HIBCH: variants seen among roughly 807,000 people sequenced by gnomAD.
The protein encoded by HIBCH is 3-hydroxyisobutyryl-CoA hydrolase, mitochondrial.
In HIBCH, 50 loss-of-function variants were observed where a neutral mutation model predicts 58.2. That is an observed-to-expected ratio of 0.86 (90% CI 0.68 to 1.09). The LOEUF (loss-of-function observed/expected upper bound fraction) is 1.09, where lower values mean the gene tolerates loss of function less well. Among genes scored for constraint, HIBCH ranks in the 50% least tolerant of loss-of-function variants. HIBCH has a pLI of 0.00. For missense variants in HIBCH, 450 were observed against 449.7 expected (o/e 1.00, Z -0.01); for synonymous variants, 151 against 146.9 (o/e 1.03, Z -0.20).
At chr2:190,298,758 A>G (rs1688181659) in intron 2 of HIBCH, among the ~76,000 whole-genome samples, 1 of 151,988 alleles carries the variant, frequency 6.6e-6, no homozygotes, top group African/African-American at 2.4e-5. Context: ...ATTAGATCCC[A>G]TTTGTCAATT....
intron 5 of HIBCH, among the ~76,000 whole-genome samples, chr2:190,288,736 A>C (rs1443119969): frequency 6.6e-6 from 1 of 152,182 alleles, no homozygotes; most frequent in Non-Finnish European, 1.5e-5. Flanking sequence ...AAGGAATTGG[A>C]AAGCTTAAAA....
In HIBCH at chr2:190,294,564, C is replaced by T. The variant is rs1163015171; in HGVS notation, c.286G>A (p.Ala96Thr). Residue 96 changes from alanine to threonine, a missense_variant, in exon 4 of 14, where the codon GCC (alanine) becomes ACC (threonine). Coordinates refer to ENST00000359678, the MANE Select transcript of HIBCH (RefSeq NM_014362.4). Reference protein sequence around the residue: ...IKGAGGKAFCAGGDIRVISEA... With the variant: ...IKGAGGKAFCTGGDIRVISEA... The stretch of plus-strand genomic sequence containing the variant: ...TCTTTACCTCTGATATCACCCCCGG[C>T]ACAGAAAGCCTTTCCTCCTGCTCCC... 6.2e-7 allele frequency: 1 copy of T among 1,612,436 alleles called. No homozygotes were observed. Among genetic ancestry groups the T allele is most frequent in the Non-Finnish European group, 8.5e-7 (1 of 1,179,302 alleles).
At position 190,204,940 on chromosome 2, in the gene HIBCH, T is replaced by G; in HGVS notation, c.*177A>C. ...TTCCAATAAAGCTTTATTTGTGAAT[T>G]CTGATAATTTTCACGTCATGAATTA... On this transcript the variant is annotated 3_prime_UTR_variant, in exon 14 of 14. Coordinates refer to ENST00000359678, the MANE Select transcript of HIBCH (RefSeq NM_014362.4). 1.6e-6 allele frequency: 1 copy of G among 614,690 alleles called. No individual in the cohort carries two copies. The highest frequency in any genetic ancestry group is 2.9e-6 in the Non-Finnish European group (1 of 343,540). The allele number at this position is 614,690 out of a possible 1,614,324, so 38.1% of individuals were successfully genotyped here.
chr2:190,244,855 T>C (rs769400158), intron 11 of HIBCH, 32 bp downstream of exon 11: 1 of 1,408,198 alleles, frequency 7.1e-7, no homozygotes, highest in South Asian at 1.1e-5. Flanking sequence ...CTTCACTATG[T>C]TCACTCAGGG....
At chr2:190,290,662 C>T (rs1687936537) in intron 4 of HIBCH, among the ~76,000 whole-genome samples, 177 bp from the exon 5 acceptor site, 2 of 152,142 alleles carry the variant, frequency 1.3e-5, no homozygotes, top group Non-Finnish European at 2.9e-5. Context: ...GATCCATAGT[C>T]CAATGTCAAA....
chr2:190,270,215 G>A (rs1687352886), intron 6 of HIBCH, among the ~76,000 whole-genome samples: 1 of 148,302 alleles, frequency 6.7e-6, no homozygotes, highest in Non-Finnish European at 1.5e-5. Context: ...AGAGTTTAAA[G>A]TAAAATAAAA....
intron 2 of HIBCH, among the ~76,000 whole-genome samples, chr2:190,303,943 C>G (rs1027792886): frequency 1.3e-5 from 2 of 152,056 alleles, no homozygotes; most frequent in African/African-American, 4.8e-5. Context: ...AACCTTAACT[C>G]TAGCCTAATT....
chr2:190,196,015 G>GTGGTT (rs1028505492), intron 1 of HIBCH, among the ~76,000 whole-genome samples: 1 of 134,846 alleles, frequency 7.4e-6, no homozygotes, highest in African/African-American at 2.7e-5. Context: ...CTATGTATGT[G>GTGGTT]TGGTTTGGAT....
intron 6 of HIBCH, among the ~76,000 whole-genome samples, chr2:190,286,889 T>G (rs34752171): frequency 0.088 from 13,422 of 151,808 alleles, 896 homozygotes; most frequent in Non-Finnish European, 0.14. Flanking sequence ...AACATTCTAG[T>G]TTCTCTTCTG....
rs141379371 is a variant in HIBCH, at chr2:190,194,034, G to A, written c.*18-4037C>T. On this transcript the variant is annotated intron_variant, in intron 1 of 1. Transcript: ENST00000399855. ...AATTTCTCCTGTGATTTTCTTCTTT[G>A]TCCCATGGGTTATTTAGAAATATGT... is the stretch of plus-strand genomic sequence containing the variant. 9.2e-4 allele frequency among the ~76,000 whole-genome samples: 139 copies of A among 151,710 alleles called. No individual in the cohort carries two copies. The East Asian group carries it at 0.02, about 22-fold the overall frequency.
chr2:190,239,004 A>G (rs1286270293), intron 11 of HIBCH, among the ~76,000 whole-genome samples: 1 of 151,950 alleles, frequency 6.6e-6, no homozygotes, highest in Non-Finnish European at 1.5e-5. Context: ...CTTTTGTTGC[A>G]ATTGCTTTTG....
intron 11 of HIBCH, among the ~76,000 whole-genome samples, chr2:190,226,868 C>T (rs141005612): frequency 9.9e-5 from 15 of 152,094 alleles, no homozygotes; most frequent in Non-Finnish European, 2.1e-4. Context: ...ATCCAACTTA[C>T]AAGGGATGTG....
intron 7 of HIBCH, among the ~76,000 whole-genome samples, chr2:190,252,914 C>T (rs291403): frequency 0.3 from 45,734 of 152,008 alleles, 7,759 homozygotes; most frequent in East Asian, 0.46. Context: ...TAAGGCTAGG[C>T]GCGGTGGCTC....
intron 1 of HIBCH, among the ~76,000 whole-genome samples, chr2:190,318,268 C>T (rs1688755578): frequency 6.6e-6 from 1 of 151,488 alleles, no homozygotes; most frequent in Non-Finnish European, 1.5e-5. Flanking sequence ...AAAAAAAAGT[C>T]CAAGAGCTAA....
rs1235610449 is a variant in HIBCH, at chr2:190,206,836, G to A, written c.1046-1604C>T. Among the ~76,000 whole-genome samples the A allele has an allele frequency of 2.0e-5, 3 of 152,162 alleles. No homozygotes were observed. Among genetic ancestry groups the A allele is most frequent in the Non-Finnish European group, 4.4e-5 (3 of 68,024 alleles). ...CAATATACTTTCTCTTCATTAAAAA[G>A]TAGCATAGGCCAGGCGCGGTGGCTC... On this transcript the variant is annotated intron_variant, in intron 13 of 13. Coordinates refer to ENST00000359678, the MANE Select transcript of HIBCH (RefSeq NM_014362.4). The surrounding 1 kb of genome is among the most constrained non-coding windows in gnomAD (Gnocchi z 5.1).
chr2:190,284,324 C>T (rs1420093089), intron 6 of HIBCH, among the ~76,000 whole-genome samples: 1 of 152,090 alleles, frequency 6.6e-6, no homozygotes, highest in Non-Finnish European at 1.5e-5. Context: ...AACTGAAGAA[C>T]ATGGCCAGTG....
intron 11 of HIBCH, chr2:190,213,290 T>C: frequency 3.8e-6 from 2 of 529,878 alleles, no homozygotes; most frequent in Non-Finnish European, 6.7e-6. Flanking sequence ...TCTGTAGCTG[T>C]GACTAATAAA....
chr2:190,275,368 T>C (rs971113102), intron 6 of HIBCH, among the ~76,000 whole-genome samples: 14 of 152,240 alleles, frequency 9.2e-5, no homozygotes, highest in African/African-American at 3.4e-4. Context: ...GTAATTGTTA[T>C]ATTCAAGGAA....
At chr2:190,222,383 G>A (rs1685746296) in intron 11 of HIBCH, among the ~76,000 whole-genome samples, 1 of 151,258 alleles carries the variant, frequency 6.6e-6, no homozygotes, top group African/African-American at 2.4e-5. Context: ...TTTGTCTAAG[G>A]TTCAAGAATG....
Sources: allele counts gnomAD v4.1 joint callset (sites outside exome capture counted in the v4.1 genomes callset), GRCh38; gene constraint gnomAD v4.1.1; non-coding constraint Gnocchi (gnomAD v3.1); transcripts MANE v1.5; gene names NCBI Gene and HGNC (gene_info 2026-07-23, HGNC 2026-07-21).